The following HFM1 variants were observed in gnomAD, a reference collection of about 807,000 sequenced individuals.
HFM1 encodes probable ATP-dependent DNA helicase HFM1.
HFM1 carries 169 observed loss-of-function variants against 192.1 expected under a neutral mutation model. That is an observed-to-expected ratio of 0.88 (90% confidence interval 0.78 to 1.00). The LOEUF (loss-of-function observed/expected upper bound fraction) is 1.00, where lower values mean the gene tolerates loss of function less well. HFM1 is among the 50% of genes least tolerant of loss of function. HFM1 has a pLI of 0.00. For missense variants in HFM1, 1,661 were observed against 1,668.0 expected (o/e 1.00, Z 0.07); for synonymous variants, 525 against 537.8 (o/e 0.98, Z 0.33).
intron 2 of HFM1, among the ~76,000 whole-genome samples, chr1:91,398,346 A>G (rs1557535573): frequency 1.3e-5 from 2 of 152,210 alleles, no homozygotes. Context: ...ATCTAGATAC[A>G]TATTAGGTCT....
intron 18 of HFM1, among the ~76,000 whole-genome samples, chr1:91,348,769 CAA>C (rs1251652645): frequency 6.6e-6 from 1 of 150,454 alleles, no homozygotes; most frequent in Non-Finnish European, 1.5e-5. Context: ...TTTTTTTTTT[CAA>C]AAGTTAGCCA....
chr1:91,271,133 G>A (rs1312980598), intron 34 of HFM1, among the ~76,000 whole-genome samples: 3 of 152,056 alleles, frequency 2.0e-5, no homozygotes, highest in Non-Finnish European at 4.4e-5. Flanking sequence ...CAATCGTCAG[G>A]TTACTGGGAT....
At chr1:91,358,173 C>T (rs1368522503) in intron 13 of HFM1, among the ~76,000 whole-genome samples, 2 of 152,074 alleles carry the variant, frequency 1.3e-5, no homozygotes, top group African/African-American at 4.8e-5. Flanking sequence ...CATGGTGAAA[C>T]CCCATCTCTA....
chr1:91,294,527 A>G (rs1647239936), intron 30 of HFM1, among the ~76,000 whole-genome samples: 1 of 152,208 alleles, frequency 6.6e-6, no homozygotes, highest in African/African-American at 2.4e-5. Flanking sequence ...CTATTTTTGT[A>G]AATAAAGTTT....
chr1:91,334,925 T>C (rs1302276526), intron 20 of HFM1, among the ~76,000 whole-genome samples: 1 of 149,972 alleles, frequency 6.7e-6, no homozygotes, highest in African/African-American at 2.5e-5. Flanking sequence ...CAAGACTCTC[T>C]GTCTCAAAAA....
chr1:91,352,991 C>T, intron 15 of HFM1, 60 bp downstream of exon 15: 5 of 1,090,216 alleles, frequency 4.6e-6, no homozygotes, highest in Admixed American at 4.5e-5. Flanking sequence ...TCCTTTTTTC[C>T]TCTTAAAAAT....
intron 20 of HFM1, chr1:91,328,442 A>C (rs1256803939): frequency 7.6e-5 from 122 of 1,611,652 alleles, no homozygotes; most frequent in Non-Finnish European, 9.7e-5. Flanking sequence ...ACCCGGGAGA[A>C]TGACATCAAG....
At chr1:91,331,776 A>C (rs1257578493) in intron 20 of HFM1, among the ~76,000 whole-genome samples, 1 of 152,126 alleles carries the variant, frequency 6.6e-6, no homozygotes, top group Admixed American at 6.5e-5. Context: ...GGCGCCTGTA[A>C]TCCCAGCTAC....
intron 20 of HFM1, among the ~76,000 whole-genome samples, chr1:91,331,713 T>C (rs1228565877): frequency 1.3e-5 from 2 of 152,150 alleles, no homozygotes; most frequent in African/African-American, 4.8e-5. Context: ...CTGGCCAACA[T>C]GGCGAAACCC....
At chr1:91,298,163 C>G (rs528470496) in intron 30 of HFM1, among the ~76,000 whole-genome samples, 2 of 151,992 alleles carry the variant, frequency 1.3e-5, no homozygotes, top group Admixed American at 1.3e-4. Flanking sequence ...GTAGCTGATC[C>G]GATGAACTGG....
rs149619020 is a variant in HFM1 at position 91,271,177 on chromosome 1, C to T, written c.3772+2535G>A. Among the ~76,000 whole-genome samples the T allele has an allele frequency of 2.3e-3, 344 of 152,106 alleles. 1 individual carries two copies. Among genetic ancestry groups the T allele is most frequent in the African/African-American group, 7.9e-3 (326 of 41,504 alleles). On this transcript the variant is annotated intron_variant, in intron 34 of 38. Coordinates refer to ENST00000370425, the MANE Select transcript of HFM1 (RefSeq NM_001017975.6). ...GGATAAACACATGACTCAAATGAGG[C>T]CAGTTAGAATGAGCTCTGGTCTGCC...
intron 13 of HFM1, among the ~76,000 whole-genome samples, chr1:91,365,001 T>A (rs1659096355): frequency 6.6e-6 from 1 of 151,998 alleles, no homozygotes; most frequent in Non-Finnish European, 1.5e-5. Flanking sequence ...GGAATATTAT[T>A]CAGCCTTATA....
intron 19 of HFM1, among the ~76,000 whole-genome samples, chr1:91,344,337 T>C (rs281946): frequency 1 from 152,179 of 152,362 alleles, 75,998 homozygotes; most frequent in Non-Finnish European, 1. Context: ...TTGGGAAATA[T>C]TTTAGTTTAA....
intron 13 of HFM1, among the ~76,000 whole-genome samples, chr1:91,369,013 T>A (rs555170623): frequency 6.6e-6 from 1 of 152,310 alleles, no homozygotes; most frequent in South Asian, 2.1e-4. Flanking sequence ...GACTATTACA[T>A]AATGGTAAAC....
chr1:91,344,535 T>C (rs1655847292), intron 19 of HFM1, among the ~76,000 whole-genome samples: 1 of 152,190 alleles, frequency 6.6e-6, no homozygotes, highest in South Asian at 2.1e-4. Flanking sequence ...TTTACAGCAG[T>C]TAACAAGATA....
chr1:91,355,162 T>C (rs1486535266), intron 13 of HFM1, among the ~76,000 whole-genome samples: 2 of 152,042 alleles, frequency 1.3e-5, no homozygotes, highest in Admixed American at 6.6e-5. Flanking sequence ...ATTATAACTC[T>C]AAGATATTTT....
chr1:91,357,662 C>CT (rs1319888054), intron 13 of HFM1, among the ~76,000 whole-genome samples: 6 of 152,266 alleles, frequency 3.9e-5, no homozygotes, highest in African/African-American at 1.2e-4. Context: ...AGAAGTAAAA[C>CT]TATCTTTATT....
intron 14 of HFM1, 39 bp downstream of exon 14, chr1:91,353,217 T>C (rs1164217412): frequency 1.9e-6 from 3 of 1,561,804 alleles, no homozygotes; most frequent in East Asian, 4.5e-5. Context: ...CTTTCATCTA[T>C]ATGTGAAAAT....
intron 33 of HFM1, among the ~76,000 whole-genome samples, chr1:91,274,108 T>C (rs1666578280): frequency 6.6e-6 from 1 of 152,000 alleles, no homozygotes; most frequent in African/African-American, 2.4e-5. Flanking sequence ...TTGAATGTCA[T>C]TCCTGCATAT....
Sources: allele counts gnomAD v4.1 joint callset (sites outside exome capture counted in the v4.1 genomes callset), GRCh38; gene constraint gnomAD v4.1.1; transcripts MANE v1.5; gene names NCBI Gene and HGNC (gene_info 2026-07-23, HGNC 2026-07-21).